The following SYN3 variants were observed in gnomAD, a reference collection of about 807,000 sequenced individuals.
The protein encoded by SYN3 is synapsin-3.
A neutral mutation model predicts 65.8 loss-of-function variants in SYN3; 35 were observed. That is an observed-to-expected ratio of 0.53 (90% CI 0.41 to 0.70). SYN3 has a LOEUF of 0.70. SYN3 is among the 30% of genes least tolerant of loss of function. The probability of loss-of-function intolerance (pLI) is 0.00; values close to 1 mark genes in which losing one functional copy is unlikely to be tolerated. For synonymous variants in SYN3, 270 were observed against 292.9 expected (o/e 0.92, Z 0.80); for missense variants, 680 against 749.0 (o/e 0.91, Z 1.08).
At chr22:32,930,771 C>G (rs1195534055) in intron 4 of SYN3, among the ~76,000 whole-genome samples, 1 of 152,174 alleles carries the variant, frequency 6.6e-6, no homozygotes, top group Non-Finnish European at 1.5e-5. Flanking sequence ...TGTATTCATA[C>G]ATGTGTTTAT....
At chr22:32,918,569 C>G (rs960898994) in intron 4 of SYN3, among the ~76,000 whole-genome samples, 4 of 151,796 alleles carry the variant, frequency 2.6e-5, no homozygotes, top group East Asian at 4.0e-4. Context: ...TAGCTAGAAT[C>G]GCTTCAGGCA....
chr22:32,894,956 C>T (rs781659133), intron 4 of SYN3, among the ~76,000 whole-genome samples: 2 of 152,160 alleles, frequency 1.3e-5, no homozygotes, highest in Admixed American at 6.5e-5. Context: ...TAAACCTCCA[C>T]CAACATGTAA....
At chr22:32,702,565 T>A (rs1428040462) in intron 6 of SYN3, among the ~76,000 whole-genome samples, 1 of 152,240 alleles carries the variant, frequency 6.6e-6, no homozygotes, top group East Asian at 1.9e-4. Flanking sequence ...CTAAGAGCCC[T>A]CAGACCTGAA....
intron 4 of SYN3, among the ~76,000 whole-genome samples, chr22:32,891,832 T>C (rs941645536): frequency 6.6e-6 from 1 of 152,080 alleles, no homozygotes; most frequent in Admixed American, 6.6e-5. Context: ...AGCCTCAGCT[T>C]CCTTCCTTAA....
At chr22:32,681,186 T>A (rs1370629636) in intron 6 of SYN3, among the ~76,000 whole-genome samples, 3 of 128,010 alleles carry the variant, frequency 2.3e-5, no homozygotes, top group Non-Finnish European at 3.7e-5. Context: ...GAGAAGTGGT[T>A]CTCAACCAGG....
At chr22:32,709,217 G>C (rs562367630) in intron 6 of SYN3, among the ~76,000 whole-genome samples, 7 of 152,182 alleles carry the variant, frequency 4.6e-5, no homozygotes, top group African/African-American at 1.2e-4. Flanking sequence ...GATAATTCAG[G>C]CTCCAAAATC....
At chr22:33,043,399 T>A (rs2053999923) in intron 1 of SYN3, among the ~76,000 whole-genome samples, 1 of 151,946 alleles carries the variant, frequency 6.6e-6, no homozygotes, top group Admixed American at 6.6e-5. Context: ...AATACAAAAA[T>A]TAGCTGGGTG....
chr22:32,723,735 T>G (rs1307037138), intron 6 of SYN3, among the ~76,000 whole-genome samples: 4 of 152,246 alleles, frequency 2.6e-5, no homozygotes, highest in Admixed American at 2.6e-4. Context: ...AAGCTAATGC[T>G]TTTAAGGAAC....
At chr22:32,671,313 C>T (rs2060358608) in intron 6 of SYN3, among the ~76,000 whole-genome samples, 2 of 151,782 alleles carry the variant, frequency 1.3e-5, no homozygotes, top group African/African-American at 2.4e-5. Context: ...CACATTCACA[C>T]ACCTCCTGTC....
intron 3 of SYN3, among the ~76,000 whole-genome samples, chr22:32,969,959 TTTATA>T: frequency 6.6e-6 from 1 of 152,300 alleles, no homozygotes; most frequent in South Asian, 2.1e-4. Context: ...ACATAAGCTT[TTTATA>T]TTTTTTATCC....
At chr22:32,763,155 T>TC (rs2045531380) in intron 6 of SYN3, among the ~76,000 whole-genome samples, 2 of 147,786 alleles carry the variant, frequency 1.4e-5, no homozygotes, top group South Asian at 4.3e-4. Context: ...GTTGTTGTTG[T>TC]TTTTTTTTTG....
At chr22:32,542,304 A>G (rs1242656490) in intron 7 of SYN3, among the ~76,000 whole-genome samples, 4 of 152,204 alleles carry the variant, frequency 2.6e-5, no homozygotes, top group Admixed American at 1.3e-4. Context: ...GGGAGCGTGC[A>G]TGTGTGCATG....
intron 6 of SYN3, among the ~76,000 whole-genome samples, chr22:32,852,744 T>C (rs2048256591): frequency 6.6e-6 from 1 of 152,002 alleles, no homozygotes; most frequent in Non-Finnish European, 1.5e-5. Context: ...GATATGTGTG[T>C]GTGTGTGAGG....
chr22:32,916,466 T>C (rs2050188784), intron 4 of SYN3, among the ~76,000 whole-genome samples: 1 of 152,270 alleles, frequency 6.6e-6, no homozygotes, highest in Non-Finnish European at 1.5e-5. Flanking sequence ...ATAACTTCTC[T>C]AGGCAAGTTC....
chr22:32,665,129 C>G (rs1359845062), intron 6 of SYN3, among the ~76,000 whole-genome samples: 43 of 151,540 alleles, frequency 2.8e-4, no homozygotes, highest in Non-Finnish European at 7.4e-5. Flanking sequence ...TCCCACATAC[C>G]TGGGACTACA....
At chr22:32,838,623 T>C (rs1007071276) in intron 6 of SYN3, among the ~76,000 whole-genome samples, 6 of 152,266 alleles carry the variant, frequency 3.9e-5, no homozygotes, top group Admixed American at 1.3e-4. Context: ...GAGGTCAGTC[T>C]TCAATATTTT....
chr22:32,586,948 G>C (rs2059053413), intron 7 of SYN3, among the ~76,000 whole-genome samples: 1 of 152,168 alleles, frequency 6.6e-6, no homozygotes. Context: ...AATACGCCGG[G>C]AGCGGTGGCT....
chr22:33,045,455 C>CTT (rs2054043687), intron 1 of SYN3, among the ~76,000 whole-genome samples: 2 of 122,636 alleles, frequency 1.6e-5, no homozygotes, highest in Non-Finnish European at 3.5e-5. Context: ...GGTGGCTCTA[C>CTT]TTTCTTTTTT....
chr22:32,918,754 C>T (rs1159212928), intron 4 of SYN3, among the ~76,000 whole-genome samples: 1 of 152,144 alleles, frequency 6.6e-6, no homozygotes, highest in African/African-American at 2.4e-5. Context: ...AACTAGCAAG[C>T]GCCGAGCTAG....
Sources: allele counts gnomAD v4.1 joint callset (sites outside exome capture counted in the v4.1 genomes callset), GRCh38; gene constraint gnomAD v4.1.1; transcripts MANE v1.5; gene names NCBI Gene and HGNC (gene_info 2026-07-23, HGNC 2026-07-21).